MAP3K14: variants seen among roughly 807,000 people sequenced by gnomAD.
MAP3K14 encodes mitogen-activated protein kinase kinase kinase 14, also known as NF-kappa-beta-inducing kinase.
MAP3K14 carries 16 observed loss-of-function variants against 99.2 expected under a neutral mutation model. The ratio of observed to expected loss-of-function variants is 0.16; its 90% CI spans 0.11 to 0.24. The LOEUF (loss-of-function observed/expected upper bound fraction) is 0.24, where lower values mean the gene tolerates loss of function less well. Ranked by LOEUF, MAP3K14 falls within the 10% of genes least tolerant of loss-of-function variation. MAP3K14 has a pLI of 1.00. For missense variants in MAP3K14, 784 were observed against 1,208.7 expected (o/e 0.65, Z 5.21); for synonymous variants, 462 against 492.4 (o/e 0.94, Z 0.82).
intron 10 of MAP3K14, 198 bp from the exon 11 acceptor site, chr17:45,270,761 G>T: frequency 1.2e-6 from 1 of 868,366 alleles, no homozygotes; most frequent in Non-Finnish European, 1.7e-6. Context: ...ACAGGCCAGA[G>T]CCAGGCAGCA....
At chr17:45,311,702 A>G (rs1330956046) in intron 1 of MAP3K14, among the ~76,000 whole-genome samples, 1 of 152,182 alleles carries the variant, frequency 6.6e-6, no homozygotes, top group Non-Finnish European at 1.5e-5. Flanking sequence ...TCTAGCCTTT[A>G]CAATCGCTGG....
At chr17:45,313,499 C>T (rs1263987392) in intron 1 of MAP3K14, among the ~76,000 whole-genome samples, 1 of 152,144 alleles carries the variant, frequency 6.6e-6, no homozygotes, top group African/African-American at 2.4e-5. Flanking sequence ...GATTTGCTTG[C>T]GGGCACACAG....
intron 1 of MAP3K14, among the ~76,000 whole-genome samples, chr17:45,304,422 C>A (rs1403711941): frequency 6.6e-6 from 1 of 152,158 alleles, no homozygotes; most frequent in African/African-American, 2.4e-5. Flanking sequence ...AAAAACTCTA[C>A]CCTTATTCAC....
chr17:45,310,892 C>CT (rs1159392180), intron 1 of MAP3K14, among the ~76,000 whole-genome samples: 1 of 152,172 alleles, frequency 6.6e-6, no homozygotes, highest in African/African-American at 2.4e-5. Flanking sequence ...TTTCTGTTTA[C>CT]TTTTTCTTAG....
intron 3 of MAP3K14, 92 bp downstream of exon 3, chr17:45,289,144 G>A (rs1459618929): frequency 1.9e-5 from 21 of 1,115,976 alleles, no homozygotes; most frequent in Non-Finnish European, 2.5e-5. Context: ...GAGGGAGCCC[G>A]GGGTCAGCAG....
At chr17:45,274,660 G>T in intron 6 of MAP3K14, 67 bp from the exon 7 acceptor site, 2 of 1,569,094 alleles carry the variant, frequency 1.3e-6, no homozygotes, top group Non-Finnish European at 1.7e-6. Context: ...CTGGCATCCT[G>T]TCAGCACCCT....
intron 1 of MAP3K14, among the ~76,000 whole-genome samples, chr17:45,292,362 C>G (rs887729943): frequency 6.6e-6 from 1 of 152,070 alleles, no homozygotes; most frequent in African/African-American, 2.4e-5. Context: ...CCCAGGAGTT[C>G]AAGATCAGCC....
chr17:45,295,911 G>C (rs979727647), intron 1 of MAP3K14, among the ~76,000 whole-genome samples: 2 of 152,142 alleles, frequency 1.3e-5, no homozygotes, highest in African/African-American at 4.8e-5. Flanking sequence ...ATATAGCCAA[G>C]GTATCTTGAG....
chr17:45,274,368 C>T, intron 7 of MAP3K14, 96 bp downstream of exon 7: 1 of 1,581,598 alleles, frequency 6.3e-7, no homozygotes, highest in African/African-American at 1.3e-5. Flanking sequence ...AAGAGGTTAA[C>T]AATGGATAGA....
chr17:45,290,142 C>T (rs1190849698), intron 2 of MAP3K14, among the ~76,000 whole-genome samples: 5 of 152,168 alleles, frequency 3.3e-5, no homozygotes, highest in Admixed American at 3.3e-4. Flanking sequence ...TCCAGGAGAC[C>T]TGGCCTTTCC....
chr17:45,290,763 A>C lies in MAP3K14; in HGVS notation c.-18T>G. 6.2e-7 allele frequency: 1 copy of C among 1,608,394 alleles called. No individual in the cohort carries two copies. Among genetic ancestry groups the C allele is most frequent in the Non-Finnish European group, 8.5e-7 (1 of 1,175,798 alleles). ...ACTGCCATCTCCCAGGCTTGTGCTCATCCTGAGAGAGACCAAACACAGAGC... is the reference window on the plus strand; with the variant it reads ...ACTGCCATCTCCCAGGCTTGTGCTCCTCCTGAGAGAGACCAAACACAGAGC... On this transcript the variant is annotated splice_region_variant and 5_prime_UTR_variant, in exon 2 of 16. The change abolishes an upstream ATG in the 5' untranslated region. Transcript: ENST00000344686.
chr17:45,267,233 T>C lies in MAP3K14; in HGVS notation c.2327-35A>G. 1 of 1,482,156 alleles carries C rather than the reference T, an allele frequency of 6.7e-7. No homozygotes were observed. Among genetic ancestry groups the C allele is most frequent in the Middle Eastern group, 1.7e-4 (1 of 5,862 alleles). 91.8% of individuals were successfully genotyped at this position (1,482,156 alleles called of 1,614,324 possible). On this transcript the variant is annotated intron_variant, in intron 12 of 15. Transcript: ENST00000344686. The surrounding 1 kb of genome is among the most constrained non-coding windows in gnomAD (Gnocchi z 5.1). ...AAAGTGGAAGATGGCTGTGAAAGAC[T>C]GGGAGGAGGCTGGCTGTGTTTTCAG...
At chr17:45,301,167 C>CA (rs757460582) in intron 1 of MAP3K14, among the ~76,000 whole-genome samples, 5,963 of 96,056 alleles carry the variant, frequency 0.062, 402 homozygotes, top group African/African-American at 0.19. Flanking sequence ...GATCCTGTTT[C>CA]AAAAAAAAAA....
At chr17:45,283,740 C>T (rs1290715280) in intron 6 of MAP3K14, among the ~76,000 whole-genome samples, 10 of 152,190 alleles carry the variant, frequency 6.6e-5, no homozygotes, top group Non-Finnish European at 1.3e-4. Flanking sequence ...TGTTGCTTTT[C>T]TTTCGGGGAT....
chr17:45,267,413 C>T lies in MAP3K14; in HGVS notation c.2319G>A (p.Leu773=). 6.3e-7 allele frequency: 1 copy of T among 1,592,130 alleles called. No individual in the cohort carries two copies. The highest frequency in any genetic ancestry group is 8.6e-7 in the Non-Finnish European group (1 of 1,169,542). The change falls in exon 12 of 16, where the codon CTG becomes CTA. Residue 773 remains leucine (L), a synonymous_variant. Transcript: ENST00000344686. This position sits in a 1 kb window ranked among gnomAD's most constrained non-coding sequence, Gnocchi z 5.1. ...AGCCACGGCTGCCCGTACCTATTTC[C>T]AGCTGCTGCAGTTCCTGCTCCGGGA... ...ATVPEQELQQ[L]EIELFLNSLS...
At chr17:45,270,828 G>A (rs1023892642) in intron 10 of MAP3K14, 4 of 767,928 alleles carry the variant, frequency 5.2e-6, no homozygotes. Flanking sequence ...GGGGCCCAGG[G>A]TATGGACAGA....
In MAP3K14 at chr17:45,267,084, C is replaced by T. The variant is rs921192159; in HGVS notation, c.2433+8G>A. On this transcript the variant is annotated splice_region_variant and intron_variant, in intron 13 of 15. Coordinates refer to ENST00000344686, the MANE Select transcript of MAP3K14 (RefSeq NM_003954.5). This position sits in a 1 kb window ranked among gnomAD's most constrained non-coding sequence, Gnocchi z 5.1. ...GGAGCCATGGCTCCGGGGCCACAAC[C>T]GACTCACCTTCTCACTGTCATCCGA... is the stretch of plus-strand genomic sequence containing the variant. 2.2e-5 allele frequency: 34 copies of T among 1,567,488 alleles called. No homozygotes were observed. Among genetic ancestry groups the T allele is most frequent in the Middle Eastern group, 3.4e-4 (2 of 5,846 alleles).
At chr17:45,315,179 G>A (rs1392421555) in intron 1 of MAP3K14, among the ~76,000 whole-genome samples, 1 of 152,030 alleles carries the variant, frequency 6.6e-6, no homozygotes, top group Non-Finnish European at 1.5e-5. Flanking sequence ...ATCTGTTGAG[G>A]CGAAACAGCC....
Position 45,271,154 on chromosome 17 carries a change from G to C in MAP3K14, c.1725C>G (p.Ala575=), listed in dbSNP as rs1159034541. The C allele has an allele frequency of 6.2e-7, 1 of 1,613,572 alleles. No individual in the cohort carries two copies. Among genetic ancestry groups the C allele is most frequent in the Admixed American group, 1.7e-5 (1 of 59,926 alleles). The part of the protein sequence containing the change: ...PEVVLGRSCD[A]KVDVWSSCCM... ...AGCAGCTGCTCCAGACATCCACCTT[G>C]GCGTCGCAGCTCCTGCCCAGCACCA... Residue 575 remains alanine, a synonymous_variant, in exon 10 of 16, where the codon GCC becomes GCG. Transcript: ENST00000344686.
Sources: gnomAD v4.1 joint callset for allele counts (sites outside exome capture counted in the v4.1 genomes callset) on GRCh38, gnomAD v4.1.1 for gene constraint, Gnocchi (gnomAD v3.1) non-coding constraint, MANE v1.5 for transcripts, NCBI Gene and HGNC (gene_info 2026-07-23, HGNC 2026-07-21) for gene names.